The following FREM1 variants were observed in gnomAD, a reference collection of about 807,000 sequenced individuals.
FREM1 encodes the protein FRAS1-related extracellular matrix protein 1.
A neutral mutation model predicts 210.1 loss-of-function variants in FREM1; 220 were observed. That is an observed-to-expected ratio of 1.05 (90% CI 0.94 to 1.17). The LOEUF is 1.17. FREM1 is among the 50% of genes most tolerant of loss of function. The probability of loss-of-function intolerance (pLI) is 0.00; values close to 1 mark genes in which losing one functional copy is unlikely to be tolerated. For missense variants in FREM1, 3,454 were observed against 2,675.5 expected, an observed-to-expected ratio of 1.29 and a Z score of -6.42; for synonymous variants, 1,189 against 980.2, an observed-to-expected ratio of 1.21 and a Z score of -3.98.
chr9:14,839,963 A>C (rs1308029579), intron 10 of FREM1, among the ~76,000 whole-genome samples: 2 of 152,218 alleles, frequency 1.3e-5, no homozygotes, highest in Non-Finnish European at 2.9e-5. Context: ...GGGAGGTGTT[A>C]TTTGAAAAGG....
chr9:14,824,218 A>G, intron 11 of FREM1, 103 bp from the exon 12 acceptor site: 1 of 697,050 alleles, frequency 1.4e-6, no homozygotes. Context: ...GTGAGAAGAA[A>G]TTGGGTGCTC....
intron 21 of FREM1, among the ~76,000 whole-genome samples, chr9:14,796,032 G>T (rs1011624816): frequency 6.6e-6 from 1 of 152,156 alleles, no homozygotes; most frequent in Non-Finnish European, 1.5e-5. Flanking sequence ...TAAGAAAATA[G>T]AAATTTTTTG....
chr9:14,815,516 T>C (rs1371314027), intron 15 of FREM1, among the ~76,000 whole-genome samples: 1 of 152,062 alleles, frequency 6.6e-6, no homozygotes, highest in Non-Finnish European at 1.5e-5. Flanking sequence ...TCAGGGAACA[T>C]GGTATATTTT....
At position 14,767,296 on chromosome 9, in the gene FREM1, C is replaced by T. The variant is rs182135873; in HGVS notation, c.5204+2428G>A. Among the ~76,000 whole-genome samples, 409 of 152,202 alleles carry T rather than the reference C, an allele frequency of 2.7e-3. 1 individual carries two copies. Among genetic ancestry groups the T allele is most frequent in the Admixed American group, 5.8e-3 (89 of 15,284 alleles). On this transcript the variant is annotated intron_variant, in intron 27 of 36. Coordinates refer to ENST00000380880, the MANE Select transcript of FREM1 (RefSeq NM_001379081.2). ...TAAGGTCCTATATGAGTAAGTATTC[C>T]TTCTTTCTTGCTTGGGTGGCCAATG...
intron 10 of FREM1, among the ~76,000 whole-genome samples, chr9:14,832,650 T>C (rs1188763627): frequency 6.6e-6 from 1 of 152,176 alleles, no homozygotes; most frequent in East Asian, 1.9e-4. Flanking sequence ...CTTAAAATGC[T>C]TGATGTAGAG....
chr9:14,816,771 T>C lies in FREM1; in HGVS notation c.2640+7A>G, dbSNP rs772475006. Reference sequence around the variant, plus strand: ...ACAATAACCCAGGGAAGAAACTTTCTACCCACCTCAACATGTAGTACAAAT... The same window carrying C: ...ACAATAACCCAGGGAAGAAACTTTCCACCCACCTCAACATGTAGTACAAAT... On this transcript the variant is annotated splice_region_variant and intron_variant, in intron 15 of 36. Coordinates refer to ENST00000380880, the MANE Select transcript of FREM1 (RefSeq NM_001379081.2). The C allele has an allele frequency of 7.3e-6, 10 of 1,376,120 alleles. No individual in the cohort carries two copies. The Admixed American group carries it at 1.7e-4, about 23-fold the overall frequency. The allele number at this position is 1,376,120 out of a possible 1,614,324, so 85.2% of individuals were successfully genotyped here.
intron 1 of FREM1, among the ~76,000 whole-genome samples, chr9:14,878,281 T>G (rs1426769286): frequency 6.6e-6 from 1 of 152,108 alleles, no homozygotes; most frequent in African/African-American, 2.4e-5. Flanking sequence ...TCCCAGCCAC[T>G]CTAATATCTT....
chr9:14,851,412 G>A lies in FREM1; in HGVS notation c.1024C>T (p.Gln342Ter). 2 of 1,613,916 alleles carry A rather than the reference G, an allele frequency of 1.2e-6. No individual in the cohort carries two copies. The highest frequency in any genetic ancestry group is 1.7e-6 in the Non-Finnish European group (2 of 1,179,860). The change falls in exon 6 of 37, where the codon CAG becomes TAG. Residue 342 changes from glutamine (Q) to a stop codon, truncating the protein, a stop_gained. Transcript: ENST00000380880. LOFTEE classifies it high-confidence loss of function. ...LVFNITKAPLQGYVTHLLDHT... is the reference protein window; with the variant it reads ...LVFNITKAPL Reference sequence around the variant, plus strand: ...TCCAACAGGTGAGTCACATAGCCCTGGAGCGGGGCTTTAGTAATGTTGAAC... The same window carrying A: ...TCCAACAGGTGAGTCACATAGCCCTAGAGCGGGGCTTTAGTAATGTTGAAC...
At chr9:14,826,960 T>C (rs2130881411) in intron 10 of FREM1, among the ~76,000 whole-genome samples, 1 of 152,322 alleles carries the variant, frequency 6.6e-6, no homozygotes, top group South Asian at 2.1e-4. Flanking sequence ...ATTTATACAT[T>C]ACCCAGTCTC....
At chr9:14,862,664 A>G (rs1270242105) in intron 3 of FREM1, among the ~76,000 whole-genome samples, 1 of 152,160 alleles carries the variant, frequency 6.6e-6, no homozygotes, top group African/African-American at 2.4e-5. Flanking sequence ...GCCTCTGGCA[A>G]CCACTAATCT....
chr9:14,739,482 T>C (rs1841092536), intron 36 of FREM1, among the ~76,000 whole-genome samples: 1 of 111,200 alleles, frequency 9.0e-6, no homozygotes, highest in Non-Finnish European at 2.1e-5. Flanking sequence ...ATATAATTCA[T>C]ATATATATAT....
chr9:14,889,886 G>C (rs148719322), intron 1 of FREM1, among the ~76,000 whole-genome samples: 1 of 152,308 alleles, frequency 6.6e-6, no homozygotes, highest in East Asian at 1.9e-4. Context: ...AACATTAAGC[G>C]TGAGCATTTT....
In FREM1 at chr9:14,869,112, C is replaced by G. The variant is rs12238629; in HGVS notation, c.-135G>C. ...GGGTCCTGACAATGTGCCCCGAGAT[C>G]TTAACATGCCCCTTTCATTTCAAAG... On this transcript the variant is annotated 5_prime_UTR_variant, in exon 2 of 37. Coordinates refer to ENST00000380880, the MANE Select transcript of FREM1 (RefSeq NM_001379081.2). 0.17 allele frequency: 101,182 copies of G among 584,226 alleles called. 12,559 individuals are homozygous for G. The highest frequency in any genetic ancestry group is 0.58 in the East Asian group (21,075 of 36,030). 36.2% of individuals were successfully genotyped at this position (584,226 alleles called of 1,614,324 possible).
intron 25 of FREM1, among the ~76,000 whole-genome samples, chr9:14,775,443 C>A (rs1422538913): frequency 6.6e-6 from 1 of 152,050 alleles, no homozygotes; most frequent in Non-Finnish European, 1.5e-5. Flanking sequence ...TGATAGCTCA[C>A]GACTGTAATC....
At chr9:14,882,595 C>T (rs370878467) in intron 1 of FREM1, among the ~76,000 whole-genome samples, 4 of 151,188 alleles carry the variant, frequency 2.6e-5, no homozygotes, top group African/African-American at 9.7e-5. Flanking sequence ...GCTGGGATTA[C>T]AGGTGCCCGC....
At chr9:14,749,921 C>T (rs1014356240) in intron 30 of FREM1, among the ~76,000 whole-genome samples, 1 of 152,178 alleles carries the variant, frequency 6.6e-6, no homozygotes, top group Non-Finnish European at 1.5e-5. Context: ...TGACTTGTTG[C>T]TTTTCTCAAG....
chr9:14,883,872 C>A (rs1835272739), intron 1 of FREM1, among the ~76,000 whole-genome samples: 1 of 152,198 alleles, frequency 6.6e-6, no homozygotes, highest in Non-Finnish European at 1.5e-5. Flanking sequence ...TTATTGGGGG[C>A]AGCTAGAAGT....
In FREM1 at chr9:14,756,406, A is replaced by G. The variant is rs752173725; in HGVS notation, c.5375T>C (p.Val1792Ala). 1.9e-6 allele frequency: 3 copies of G among 1,602,468 alleles called. No individual in the cohort carries two copies. Among genetic ancestry groups the G allele is most frequent in the Non-Finnish European group, 2.6e-6 (3 of 1,174,276 alleles). Residue 1792 changes from valine to alanine, a missense_variant, in exon 29 of 37, where the codon GTG (valine) becomes GCG (alanine). Physicochemically the swap from Val to Ala is moderately conservative, Grantham distance 64 (BLOSUM62 0). Transcript: ENST00000380880. ...AAACTGAATCAGTTTAGATGGAATC[A>G]CGGTGAAATCTTTTCCAACTGCAGC... Reference protein sequence around the residue: ...VSAAVGKDFTVIPSKLIQFDP... With the variant: ...VSAAVGKDFTAIPSKLIQFDP...
intron 5 of FREM1, among the ~76,000 whole-genome samples, chr9:14,853,421 G>C (rs1250700914): frequency 6.6e-6 from 1 of 152,172 alleles, no homozygotes; most frequent in East Asian, 1.9e-4. Context: ...GAAATTGCAA[G>C]TGATCACTCA....
Sources: gnomAD v4.1 joint callset for allele counts (sites outside exome capture counted in the v4.1 genomes callset) on GRCh38, gnomAD v4.1.1 for gene constraint, MANE v1.5 for transcripts, NCBI Gene and HGNC (gene_info 2026-07-23, HGNC 2026-07-21) for gene names.